The following STRN3 variants were observed in gnomAD, a reference collection of about 807,000 sequenced individuals.
STRN3 encodes striatin 3, also known as striatin-3.
STRN3 carries 29 observed loss-of-function variants against 95.6 expected under a neutral mutation model. That is an observed-to-expected ratio of 0.30 (90% CI 0.23 to 0.41). STRN3 has a LOEUF of 0.41. Ranked by LOEUF, STRN3 falls within the 10% of genes least tolerant of loss-of-function variation. The pLI is 1.00. For synonymous variants in STRN3, 331 were observed against 357.6 expected (o/e 0.93, Z 0.84); for missense variants, 890 against 972.1 (o/e 0.92, Z 1.12).
chr14:30,923,764 T>C (rs1012453230), intron 8 of STRN3, among the ~76,000 whole-genome samples: 1 of 152,184 alleles, frequency 6.6e-6, no homozygotes, highest in African/African-American at 2.4e-5. Context: ...TACATTATTA[T>C]AATCCACAGT....
chr14:30,977,819 A>G (rs2139215820), intron 1 of STRN3, among the ~76,000 whole-genome samples: 1 of 133,668 alleles, frequency 7.5e-6, no homozygotes, highest in Admixed American at 7.5e-5. Flanking sequence ...AAAAAAAAAC[A>G]TGAAAGAAGG....
intron 4 of STRN3, among the ~76,000 whole-genome samples, chr14:30,947,625 C>T (rs1309910104): frequency 6.6e-6 from 1 of 152,056 alleles, no homozygotes; most frequent in African/African-American, 2.4e-5. Context: ...AAACACAACA[C>T]ACACACATTT....
In STRN3 at chr14:31,014,448, C is replaced by T. The variant is rs559534046; in HGVS notation, c.282+11456G>A. On this transcript the variant is annotated intron_variant, in intron 1 of 17. Coordinates refer to ENST00000357479, the MANE Select transcript of STRN3 (RefSeq NM_001083893.2). ...TGTGGGTCAGGCTGTTCTCGAACTC[C>T]TAATCTTGTGATCCACCTGCCTCAG... Among the ~76,000 whole-genome samples the T allele has an allele frequency of 7.1e-4, 108 of 152,086 alleles. 2 individuals carry two copies. The South Asian group carries it at 0.022, about 31-fold the overall frequency.
chr14:30,969,083 T>A (rs760016169), intron 1 of STRN3, among the ~76,000 whole-genome samples: 2 of 152,162 alleles, frequency 1.3e-5, no homozygotes, highest in African/African-American at 2.4e-5. Context: ...AACAAAAGCA[T>A]AACAGGTTTT....
chr14:31,014,444 A>G (rs562816857), intron 1 of STRN3, among the ~76,000 whole-genome samples: 1 of 151,256 alleles, frequency 6.6e-6, no homozygotes, highest in Non-Finnish European at 1.5e-5. Context: ...CTGTTCTCGA[A>G]CTCCTAATCT....
intron 1 of STRN3, among the ~76,000 whole-genome samples, chr14:31,015,924 C>T (rs1883217269): frequency 6.6e-6 from 1 of 152,194 alleles, no homozygotes; most frequent in South Asian, 2.1e-4. Context: ...CACTCCTCCA[C>T]CAGGTAGCTG....
Position 30,919,049 on chromosome 14 carries a change from G to A in STRN3, c.1157C>T (p.Pro386Leu). The A allele has an allele frequency of 6.2e-7, 1 of 1,611,604 alleles. No individual in the cohort carries two copies. Residue 386 changes from proline (P) to leucine (L), a missense_variant, in exon 9 of 18, where the codon CCC (proline) becomes CTC (leucine). By Grantham distance (98) the Pro-to-Leu change is moderately conservative. Coordinates refer to ENST00000357479, the MANE Select transcript of STRN3 (RefSeq NM_001083893.2). ...MIADLGDDEL[P>L]HIPSGIINQS... is the part of the protein sequence containing the mutation. ...ATTAATGATTCCTGAAGGGATGTGG[G>A]GCAGCTCATCATCTCCCAGATCAGC...
chr14:30,958,393 G>C (rs1208867618), intron 1 of STRN3, among the ~76,000 whole-genome samples: 1 of 152,118 alleles, frequency 6.6e-6, no homozygotes, highest in African/African-American at 2.4e-5. Flanking sequence ...AAAAGCACTA[G>C]GAGGAATAAT....
intron 3 of STRN3, among the ~76,000 whole-genome samples, chr14:30,952,253 T>C (rs1879684183): frequency 1.3e-5 from 2 of 152,140 alleles, no homozygotes; most frequent in Admixed American, 1.3e-4. Flanking sequence ...ATTATTAACA[T>C]AAAGACACAG....
chr14:31,011,766 TTTTA>T lies in STRN3; in HGVS notation c.282+14134_282+14137del, dbSNP rs1224649648. 6.6e-5 allele frequency among the ~76,000 whole-genome samples: 10 copies of T among 152,182 alleles called. No homozygotes were observed. The East Asian group carries it at 7.7e-4, about 12-fold the overall frequency. On this transcript the variant is annotated intron_variant, in intron 1 of 17. Transcript: ENST00000357479. ...GGCTAGAATCTCAATCCCCAACCCT[TTTTA>T]TTTATTTTTATTTATTTATTTTTTA...
intron 1 of STRN3, among the ~76,000 whole-genome samples, chr14:30,973,691 T>C (rs1320171727): frequency 1.3e-5 from 2 of 152,028 alleles, no homozygotes; most frequent in Non-Finnish European, 2.9e-5. Flanking sequence ...CCAATCAACA[T>C]CCCCTGTGAA....
chr14:30,967,340 G>A (rs1483166970), intron 1 of STRN3, among the ~76,000 whole-genome samples: 1 of 152,032 alleles, frequency 6.6e-6, no homozygotes, highest in Non-Finnish European at 1.5e-5. Context: ...GAGTCAGAGA[G>A]AGAGAAAGAG....
intron 1 of STRN3, among the ~76,000 whole-genome samples, chr14:31,014,361 C>G (rs1883136977): frequency 6.6e-6 from 1 of 152,000 alleles, no homozygotes; most frequent in Non-Finnish European, 1.5e-5. Flanking sequence ...GCTGGAACTA[C>G]AGGCGCGTTG....
At position 31,026,366 on chromosome 14, in the gene STRN3, T is replaced by G; in HGVS notation, c.-181A>C. The G allele has an allele frequency of 4.3e-6, 1 of 234,116 alleles. No individual in the cohort carries two copies. Among genetic ancestry groups the G allele is most frequent in the Non-Finnish European group, 6.5e-6 (1 of 152,696 alleles). The allele number at this position is 234,116 out of a possible 1,614,324, so 14.5% of individuals were successfully genotyped here. On this transcript the variant is annotated 5_prime_UTR_variant, in exon 1 of 18. Coordinates refer to ENST00000357479, the MANE Select transcript of STRN3 (RefSeq NM_001083893.2). ...GAGCTGCCGGCTGCCGCCATTACAA[T>G]CCCTCCTCCATCTGCCCGTCTCACT...
chr14:30,911,225 A>C, intron 12 of STRN3, 63 bp from the exon 13 acceptor site: 13 of 1,521,820 alleles, frequency 8.5e-6, no homozygotes, highest in East Asian at 4.8e-5. Context: ...TCAAATCTCC[A>C]TTCCCCCAAC....
chr14:30,971,030 CA>C (rs1880802188), intron 1 of STRN3, among the ~76,000 whole-genome samples: 2 of 152,252 alleles, frequency 1.3e-5, no homozygotes. Context: ...CCCCGAGGGC[CA>C]TCCAGCCTCC....
At chr14:30,947,954 G>A (rs1474878500) in intron 4 of STRN3, among the ~76,000 whole-genome samples, 1 of 152,172 alleles carries the variant, frequency 6.6e-6, no homozygotes, top group Non-Finnish European at 1.5e-5. Context: ...CTTAAAAGAT[G>A]CCTTAAATAC....
chr14:30,956,114 A>C, intron 2 of STRN3, 25 bp downstream of exon 2: 1 of 1,583,726 alleles, frequency 6.3e-7, no homozygotes. Flanking sequence ...TACTTTATTC[A>C]TGTAACAAAA....
intron 1 of STRN3, among the ~76,000 whole-genome samples, chr14:30,993,254 CA>C (rs35552314): frequency 7.0e-4 from 91 of 129,606 alleles, no homozygotes; most frequent in Admixed American, 2.6e-3. Flanking sequence ...GACACTGTCT[CA>C]AAAAAAAAAA....
Sources: allele counts gnomAD v4.1 joint callset (sites outside exome capture counted in the v4.1 genomes callset), GRCh38; gene constraint gnomAD v4.1.1; transcripts MANE v1.5; gene names NCBI Gene and HGNC (gene_info 2026-07-23, HGNC 2026-07-21).